AGBL4: variants seen among roughly 807,000 people sequenced by gnomAD.
The protein encoded by AGBL4 is cytosolic carboxypeptidase 6.
In AGBL4, 58 loss-of-function variants were observed where a neutral mutation model predicts 66.4. That is an observed-to-expected ratio of 0.87 (90% CI 0.71 to 1.09). The LOEUF (loss-of-function observed/expected upper bound fraction) is 1.09, where lower values mean the gene tolerates loss of function less well. AGBL4 is among the 50% of genes least tolerant of loss of function. The pLI is 0.00. For missense variants in AGBL4, 579 were observed against 631.0 expected (o/e 0.92, Z 0.88); for synonymous variants, 234 against 222.9 (o/e 1.05, Z -0.44).
chr1:49,484,916 T>G (rs531203195), intron 3 of AGBL4, among the ~76,000 whole-genome samples: 6 of 151,906 alleles, frequency 3.9e-5, no homozygotes, highest in African/African-American at 1.4e-4. Flanking sequence ...TTAAAAATCT[T>G]TATAAATGTA....
chr1:48,697,946 G>A (rs1023249266), intron 6 of AGBL4, among the ~76,000 whole-genome samples: 3 of 152,214 alleles, frequency 2.0e-5, no homozygotes, highest in Admixed American at 2.0e-4. Flanking sequence ...CCTGACTCTG[G>A]TCACAACTGG....
chr1:48,845,696 G>A (rs1242794989), intron 6 of AGBL4, among the ~76,000 whole-genome samples: 1 of 152,132 alleles, frequency 6.6e-6, no homozygotes, highest in Non-Finnish European at 1.5e-5. Context: ...TAAGTAAAGA[G>A]CATCTATATG....
chr1:49,414,327 C>T (rs1645381210), intron 3 of AGBL4, among the ~76,000 whole-genome samples: 1 of 152,062 alleles, frequency 6.6e-6, no homozygotes, highest in African/African-American at 2.4e-5. Flanking sequence ...AAAGTTGCAC[C>T]ATTCACTTTA....
chr1:48,731,585 TGGGTGGTAAGCAGCAGTTAGCCA>T (rs1173526171), intron 6 of AGBL4, among the ~76,000 whole-genome samples: 1 of 152,144 alleles, frequency 6.6e-6, no homozygotes, highest in Admixed American at 6.5e-5. Flanking sequence ...TAAGCAGATC[TGGGTGGTAAGCAGCAGTTAGCCA>T]GGCAAAGCAG....
intron 4 of AGBL4, among the ~76,000 whole-genome samples, chr1:49,112,184 C>T (rs1557650295): frequency 1.3e-5 from 2 of 152,130 alleles, no homozygotes; most frequent in South Asian, 2.1e-4. Flanking sequence ...ACTTTTTCAC[C>T]TCAGTAGCTA....
intron 2 of AGBL4, among the ~76,000 whole-genome samples, chr1:49,784,803 TA>T (rs1644414075): frequency 6.6e-6 from 1 of 151,758 alleles, no homozygotes; most frequent in Non-Finnish European, 1.5e-5. Context: ...CAATAAAAAA[TA>T]AAAAATATAT....
At chr1:49,081,584 T>TAGA (rs1644809629) in intron 4 of AGBL4, among the ~76,000 whole-genome samples, 1 of 152,214 alleles carries the variant, frequency 6.6e-6, no homozygotes, top group African/African-American at 2.4e-5. Flanking sequence ...AGGATATCTT[T>TAGA]TACATCATCT....
chr1:49,473,006 C>T (rs994815056), intron 3 of AGBL4, among the ~76,000 whole-genome samples: 5 of 151,984 alleles, frequency 3.3e-5, no homozygotes, highest in African/African-American at 7.2e-5. Flanking sequence ...ATTTCACCCT[C>T]TTTATGGCTG....
At chr1:49,698,605 G>C (rs1030514188) in intron 2 of AGBL4, among the ~76,000 whole-genome samples, 4 of 151,976 alleles carry the variant, frequency 2.6e-5, no homozygotes, top group African/African-American at 9.7e-5. Context: ...CTAACCACTA[G>C]ACAATATAGC....
At chr1:49,572,611 C>A (rs1644354272) in intron 3 of AGBL4, among the ~76,000 whole-genome samples, 1 of 152,078 alleles carries the variant, frequency 6.6e-6, no homozygotes, top group Non-Finnish European at 1.5e-5. Context: ...TTATCCATTT[C>A]TTCTAGATTT....
chr1:48,965,550 G>A (rs938850012), intron 5 of AGBL4, among the ~76,000 whole-genome samples: 10 of 152,098 alleles, frequency 6.6e-5, no homozygotes, highest in African/African-American at 1.9e-4. Context: ...TGGTAGCACC[G>A]GTTTCAGCTG....
At chr1:48,852,385 T>C (rs1232678290) in intron 6 of AGBL4, among the ~76,000 whole-genome samples, 1 of 152,152 alleles carries the variant, frequency 6.6e-6, no homozygotes, top group Non-Finnish European at 1.5e-5. Context: ...TCTTTGATGA[T>C]GTTTTAGACC....
intron 3 of AGBL4, among the ~76,000 whole-genome samples, chr1:49,464,741 AC>A (rs1347695214): frequency 1.3e-5 from 2 of 151,694 alleles, no homozygotes; most frequent in Non-Finnish European, 2.9e-5. Context: ...TACCCAAGCC[AC>A]GAATAGAAAA....
At chr1:48,802,315 C>G (rs762963881) in intron 6 of AGBL4, among the ~76,000 whole-genome samples, 8 of 152,122 alleles carry the variant, frequency 5.3e-5, no homozygotes, top group Non-Finnish European at 7.3e-5. Flanking sequence ...TCCCAGGGAG[C>G]CTTCCAGGAA....
chr1:48,673,302 C>T (rs922567541), intron 6 of AGBL4, among the ~76,000 whole-genome samples: 2 of 152,068 alleles, frequency 1.3e-5, no homozygotes, highest in African/African-American at 4.8e-5. Flanking sequence ...AAGCAGAGAA[C>T]TGATATATAT....
intron 6 of AGBL4, among the ~76,000 whole-genome samples, chr1:48,860,882 G>A (rs866228413): frequency 1.6e-4 from 24 of 152,094 alleles, no homozygotes; most frequent in African/African-American, 5.3e-4. Flanking sequence ...TGAAGAAATC[G>A]AATGCTAAAA....
chr1:49,131,197 A>G (rs1465000047), intron 4 of AGBL4, among the ~76,000 whole-genome samples: 9 of 152,098 alleles, frequency 5.9e-5, no homozygotes, highest in Non-Finnish European at 1.2e-4. Flanking sequence ...CTAATTTATA[A>G]TGGTAGAATG....
intron 6 of AGBL4, among the ~76,000 whole-genome samples, chr1:48,726,019 G>C (rs1167325323): frequency 6.6e-6 from 1 of 151,986 alleles, no homozygotes; most frequent in Non-Finnish European, 1.5e-5. Context: ...CCTGAATTAG[G>C]GATCATTCTC....
Position 49,007,728 on chromosome 1 carries a change from T to C in AGBL4, c.594+37856A>G, listed in dbSNP as rs537802045. Among the ~76,000 whole-genome samples the C allele has an allele frequency of 5.5e-3, 831 of 151,390 alleles. 7 individuals are homozygous for C. The highest frequency in any genetic ancestry group is 6.8e-3 in the Non-Finnish European group (462 of 67,638). ...AGAGAGTGGGGGCCAATATTCAACA[T>C]TCTTAAAGAAAAGAATTTTCAACCC... is the stretch of plus-strand genomic sequence containing the variant. On this transcript the variant is annotated intron_variant, in intron 5 of 13. Coordinates refer to ENST00000371839, the MANE Select transcript of AGBL4 (RefSeq NM_032785.4).
Sources: allele counts gnomAD v4.1 joint callset (sites outside exome capture counted in the v4.1 genomes callset), GRCh38; gene constraint gnomAD v4.1.1; transcripts MANE v1.5; gene names NCBI Gene and HGNC (gene_info 2026-07-23, HGNC 2026-07-21).